The following CLVS1 variants were observed in gnomAD, a reference collection of about 807,000 sequenced individuals.
The protein encoded by CLVS1 is clavesin 1, also known as clavesin-1.
A neutral mutation model predicts 33.1 loss-of-function variants in CLVS1; 10 were observed. That is an observed-to-expected ratio of 0.30 (90% confidence interval 0.19 to 0.51). CLVS1 has a LOEUF of 0.51. Among genes scored for constraint, CLVS1 ranks in the 20% least tolerant of loss-of-function variants. The pLI is 0.97. For synonymous variants in CLVS1, 163 were observed against 166.1 expected (o/e 0.98, Z 0.14); for missense variants, 343 against 433.4 (o/e 0.79, Z 1.85).
At chr8:61,402,685 T>C (rs1225381681) in intron 3 of CLVS1, among the ~76,000 whole-genome samples, 3 of 152,212 alleles carry the variant, frequency 2.0e-5, no homozygotes, top group Non-Finnish European at 4.4e-5. Context: ...ATGGTGAGTA[T>C]ATAATGTTGA....
At chr8:61,310,934 G>A (rs901000241) in intron 2 of CLVS1, among the ~76,000 whole-genome samples, 1 of 152,172 alleles carries the variant, frequency 6.6e-6, no homozygotes, top group Non-Finnish European at 1.5e-5. Flanking sequence ...GGCAAGATTT[G>A]TACTCCTTTT....
At chr8:61,076,307 G>A (rs1349383495) in intron 1 of CLVS1, among the ~76,000 whole-genome samples, 5 of 152,016 alleles carry the variant, frequency 3.3e-5, no homozygotes, top group African/African-American at 1.2e-4. Flanking sequence ...TTACACATTG[G>A]TATGGAAAAA....
chr8:61,029,726 C>T, the CLVS1 span, among the ~76,000 whole-genome samples: 4 of 152,014 alleles, frequency 2.6e-5, no homozygotes, highest in African/African-American at 9.7e-5. Flanking sequence ...TTAGGTATTT[C>T]TCCTAATGCT....
intron 2 of CLVS1, among the ~76,000 whole-genome samples, chr8:61,330,669 CTCT>C (rs1327897220): frequency 6.6e-6 from 1 of 152,214 alleles, no homozygotes; most frequent in Non-Finnish European, 1.5e-5. Flanking sequence ...TACATCACTT[CTCT>C]TCTTCATCTT....
chr8:61,084,283 G>GT (rs1805078631), intron 1 of CLVS1, among the ~76,000 whole-genome samples: 1 of 152,072 alleles, frequency 6.6e-6, no homozygotes, highest in Non-Finnish European at 1.5e-5. Context: ...AGGCAAACCT[G>GT]GACAACTAGA....
At chr8:61,090,819 T>A in intron 1 of CLVS1, 1 of 513,628 alleles carries the variant, frequency 1.9e-6, no homozygotes, top group South Asian at 1.4e-5. Flanking sequence ...CAGATTCATC[T>A]GTACCCGATT....
chr8:61,074,584 C>A (rs1467535262), intron 1 of CLVS1, among the ~76,000 whole-genome samples: 1 of 151,268 alleles, frequency 6.6e-6, no homozygotes, highest in Non-Finnish European at 1.5e-5. Flanking sequence ...CAACCTATGT[C>A]TTTGCTTTTG....
At chr8:61,069,866 C>G (rs1804760342) in intron 1 of CLVS1, among the ~76,000 whole-genome samples, 1 of 152,158 alleles carries the variant, frequency 6.6e-6, no homozygotes. Flanking sequence ...TCTTGGCTTA[C>G]TATAGCCTCT....
intron 3 of CLVS1, among the ~76,000 whole-genome samples, chr8:61,425,838 T>G (rs1399975229): frequency 6.6e-6 from 1 of 152,224 alleles, no homozygotes; most frequent in Non-Finnish European, 1.5e-5. Flanking sequence ...CATGCTGTTC[T>G]TTCTTGAGGA....
intron 3 of CLVS1, among the ~76,000 whole-genome samples, chr8:61,393,329 T>A (rs1390046156): frequency 1.3e-5 from 2 of 152,330 alleles, no homozygotes; most frequent in African/African-American, 4.8e-5. Flanking sequence ...AAAAATCTCT[T>A]TAAGTCGGTT....
At chr8:61,147,411 T>C (rs1283695748) in intron 2 of CLVS1, among the ~76,000 whole-genome samples, 1 of 152,154 alleles carries the variant, frequency 6.6e-6, no homozygotes, top group Non-Finnish European at 1.5e-5. Flanking sequence ...TACATAGTAA[T>C]TGAAAAAACC....
the CLVS1 span, among the ~76,000 whole-genome samples, chr8:60,971,528 T>TC: frequency 3.3e-5 from 5 of 152,226 alleles, no homozygotes; most frequent in African/African-American, 1.2e-4. Flanking sequence ...CCCCTTTTTT[T>TC]CTGTGTATTT....
At chr8:61,118,263 T>C (rs1291112569) in intron 1 of CLVS1, among the ~76,000 whole-genome samples, 1 of 152,112 alleles carries the variant, frequency 6.6e-6, no homozygotes, top group Non-Finnish European at 1.5e-5. Context: ...TCTTCTCTCT[T>C]TTTTTCTTTA....
At chr8:61,429,919 T>G (rs1816048659) in intron 3 of CLVS1, among the ~76,000 whole-genome samples, 1 of 152,238 alleles carries the variant, frequency 6.6e-6, no homozygotes, top group Non-Finnish European at 1.5e-5. Context: ...CTTTTGGCCC[T>G]TAAATTCCCA....
At chr8:61,474,579 G>T (rs1438597881) in intron 5 of CLVS1, among the ~76,000 whole-genome samples, 2 of 152,164 alleles carry the variant, frequency 1.3e-5, no homozygotes, top group Non-Finnish European at 2.9e-5. Flanking sequence ...TAATAGCAAA[G>T]ATCCAGTAAA....
chr8:61,217,603 C>A (rs895214087), intron 2 of CLVS1, among the ~76,000 whole-genome samples: 2 of 152,126 alleles, frequency 1.3e-5, no homozygotes, highest in Non-Finnish European at 2.9e-5. Context: ...GAAAAGATTT[C>A]ATGATTAAGA....
chr8:61,036,592 C>T, the CLVS1 span, among the ~76,000 whole-genome samples: 1 of 152,198 alleles, frequency 6.6e-6, no homozygotes, highest in East Asian at 1.9e-4. Flanking sequence ...CTCCTCTTCC[C>T]TCTCCCTCCT....
chr8:61,417,064 C>T (rs1815465832), intron 3 of CLVS1, among the ~76,000 whole-genome samples: 1 of 152,014 alleles, frequency 6.6e-6, no homozygotes, highest in East Asian at 1.9e-4. Context: ...GATCTGAGGG[C>T]ATACTTGGCA....
At position 61,101,008 on chromosome 8, in the gene CLVS1, C is replaced by T. The variant is rs892410271; in HGVS notation, c.-242-30762C>T. Among the ~76,000 whole-genome samples, 5 of 152,132 alleles carry T rather than the reference C, an allele frequency of 3.3e-5. No individual in the cohort carries two copies. The South Asian group carries it at 1.0e-3, about 31-fold the overall frequency. On this transcript the variant is annotated intron_variant, in intron 1 of 2. Transcript: ENST00000522621. ...ACACATTGGTTGTTTTCATTTTTTA[C>T]TATTATGAATAATCCTGATATGGAC...
Sources: allele counts gnomAD v4.1 joint callset (sites outside exome capture counted in the v4.1 genomes callset), GRCh38; gene constraint gnomAD v4.1.1; transcripts MANE v1.5; gene names NCBI Gene and HGNC (gene_info 2026-07-23, HGNC 2026-07-21).